Variants in OR3A2 observed in about 807,000 individuals in gnomAD.
OR3A2 encodes olfactory receptor 3A2.
For missense variants in OR3A2, 318 were observed against 392.8 expected (o/e 0.81, Z 1.61); for synonymous variants, 126 against 159.3 (o/e 0.79, Z 1.57).
chr17:3,321,920 T>G (rs1168372685), intron 3 of OR3A2, among the ~76,000 whole-genome samples: 1 of 152,150 alleles, frequency 6.6e-6, no homozygotes, highest in Non-Finnish European at 1.5e-5. Context: ...GGATTCCCTC[T>G]TTTTCTTTTG....
intron 2 of OR3A2, among the ~76,000 whole-genome samples, chr17:3,366,014 G>A (rs1239724066): frequency 6.6e-6 from 1 of 152,172 alleles, no homozygotes; most frequent in Non-Finnish European, 1.5e-5. Flanking sequence ...AATGAATGAT[G>A]TCTAGTCTTT....
chr17:3,385,722 C>T (rs1348012656), intron 1 of OR3A2, among the ~76,000 whole-genome samples: 1 of 152,198 alleles, frequency 6.6e-6, no homozygotes, highest in Non-Finnish European at 1.5e-5. Flanking sequence ...GAACACTCTT[C>T]TGAGATTCCG....
intron 2 of OR3A2, among the ~76,000 whole-genome samples, chr17:3,377,066 A>C (rs150465494): frequency 3.3e-5 from 5 of 152,322 alleles, no homozygotes; most frequent in Non-Finnish European, 5.9e-5. Context: ...TTGAAAACTC[A>C]GTTTTTCAGC....
chr17:3,302,464 G>A (rs1879017346), intron 3 of OR3A2, among the ~76,000 whole-genome samples: 1 of 152,084 alleles, frequency 6.6e-6, no homozygotes, highest in Non-Finnish European at 1.5e-5. Flanking sequence ...TCTGATCTTT[G>A]ACAAACCTGA....
intron 3 of OR3A2, among the ~76,000 whole-genome samples, chr17:3,294,028 G>T (rs1244512670): frequency 6.6e-6 from 1 of 152,012 alleles, no homozygotes; most frequent in African/African-American, 2.4e-5. Context: ...TAGGTGATGG[G>T]GTGATAGGTG....
chr17:3,276,781 G>C (rs974219065), downstream of OR3A2, among the ~76,000 whole-genome samples: 1 of 152,140 alleles, frequency 6.6e-6, no homozygotes, highest in Non-Finnish European at 1.5e-5. Context: ...CATTAAATGA[G>C]AGAAAAAGGC....
At chr17:3,368,796 C>A (rs1379248202) in intron 2 of OR3A2, among the ~76,000 whole-genome samples, 1 of 152,004 alleles carries the variant, frequency 6.6e-6, no homozygotes, top group African/African-American at 2.4e-5. Flanking sequence ...CTTTGGTGAG[C>A]ATTGCAATGA....
intron 3 of OR3A2, chr17:3,292,410 A>T (rs201171625): frequency 1.2e-6 from 2 of 1,613,878 alleles, no homozygotes; most frequent in Middle Eastern, 1.6e-4. Context: ...GGGGGTGTGG[A>T]GTTTGGGCTC....
intron 3 of OR3A2, chr17:3,310,727 G>A (rs751299972): frequency 3.6e-6 from 2 of 548,190 alleles, no homozygotes; most frequent in Admixed American, 1.9e-5. Context: ...GCAGCCGCAT[G>A]AGCTGGGGAA....
intron 3 of OR3A2, among the ~76,000 whole-genome samples, chr17:3,323,593 G>A (rs536929438): frequency 0.014 from 2,106 of 150,904 alleles, 48 homozygotes; most frequent in African/African-American, 0.047. Flanking sequence ...TCTGTAAAGG[G>A]TTTTATTTCT....
At chr17:3,325,851 T>A (rs1175150028) in intron 3 of OR3A2, among the ~76,000 whole-genome samples, 1 of 152,082 alleles carries the variant, frequency 6.6e-6, no homozygotes, top group African/African-American at 2.4e-5. Flanking sequence ...CATAGGTAGA[T>A]GTGTGCCATG....
At chr17:3,296,941 C>T (rs1344622690) in intron 3 of OR3A2, among the ~76,000 whole-genome samples, 2 of 152,214 alleles carry the variant, frequency 1.3e-5, no homozygotes, top group African/African-American at 4.8e-5. Flanking sequence ...TTTCAAATTA[C>T]GTTTATGGAA....
chr17:3,347,823 G>A (rs755222762), intron 2 of OR3A2, among the ~76,000 whole-genome samples: 1 of 152,198 alleles, frequency 6.6e-6, no homozygotes, highest in Admixed American at 6.5e-5. Context: ...TCGTCACACT[G>A]ACTTCCACAA....
intron 2 of OR3A2, among the ~76,000 whole-genome samples, chr17:3,339,027 C>T (rs2049294089): frequency 6.6e-6 from 1 of 152,110 alleles, no homozygotes; most frequent in African/African-American, 2.4e-5. Context: ...CTCTTTGTAG[C>T]AGTTGTGATT....
At chr17:3,336,320 T>C (rs1361140043) in intron 2 of OR3A2, among the ~76,000 whole-genome samples, 194 bp from the exon 2 acceptor site, 1 of 152,228 alleles carries the variant, frequency 6.6e-6, no homozygotes, top group African/African-American at 2.4e-5. Flanking sequence ...AAAAGTTATC[T>C]GGTTTAAAAA....
At chr17:3,364,598 G>C (rs1328808001) in intron 2 of OR3A2, among the ~76,000 whole-genome samples, 1 of 152,124 alleles carries the variant, frequency 6.6e-6, no homozygotes, top group East Asian at 1.9e-4. Context: ...TTATCAAAAA[G>C]TTAAAAGATG....
upstream of OR3A2, among the ~76,000 whole-genome samples, chr17:3,286,955 T>C (rs2048818542): frequency 6.6e-6 from 1 of 152,206 alleles, no homozygotes; most frequent in African/African-American, 2.4e-5. Context: ...TTTGTTGCCA[T>C]TGCTTTTGGT....
At chr17:3,285,050 T>C (rs2048799847), upstream of OR3A2, among the ~76,000 whole-genome samples, 2 of 152,010 alleles carry the variant, frequency 1.3e-5, no homozygotes, top group African/African-American at 2.4e-5. Context: ...GATCCTATAA[T>C]GATTCTAGAG....
At chr17:3,309,895 T>A (rs2317893) in intron 3 of OR3A2, 27,597 of 145,842 alleles carry the variant, frequency 0.19, 3,096 homozygotes, top group African/African-American at 0.39. Context: ...CATGCTTTCC[T>A]GCTTCCCCGA....
Sources: allele counts gnomAD v4.1 joint callset (sites outside exome capture counted in the v4.1 genomes callset), GRCh38; gene constraint gnomAD v4.1.1; transcripts MANE v1.5; gene names NCBI Gene and HGNC (gene_info 2026-07-23, HGNC 2026-07-21).